Variants in EPHX2 observed in about 807,000 individuals in gnomAD.
EPHX2 encodes the protein epoxide hydrolase 2.
A neutral mutation model predicts 78.7 loss-of-function variants in EPHX2; 74 were observed. The ratio of observed to expected loss-of-function variants is 0.94; its 90% CI spans 0.78 to 1.14. EPHX2 has a LOEUF of 1.14. Ranked by LOEUF, EPHX2 falls within the 50% of genes most tolerant of loss-of-function variation. The pLI is 0.00. For synonymous variants in EPHX2, 251 were observed against 255.2 expected, an observed-to-expected ratio of 0.98 and a Z score of 0.16; for missense variants, 715 against 702.5, an observed-to-expected ratio of 1.02 and a Z score of -0.20.
chr8:27,517,931 G>A, intron 8 of EPHX2, 107 bp from the exon 9 acceptor site: 1 of 814,740 alleles, frequency 1.2e-6, no homozygotes, highest in South Asian at 1.6e-5. Context: ...GTGGGTTTTT[G>A]TTGTTGTTGT....
downstream of EPHX2, among the ~76,000 whole-genome samples, chr8:27,547,080 A>C (rs970493637): frequency 9.8e-5 from 15 of 152,306 alleles, no homozygotes; most frequent in African/African-American, 3.6e-4. Flanking sequence ...GCAAGGGGGA[A>C]ATCCGCCCCC....
At chr8:27,547,322 G>A, downstream of EPHX2, among the ~76,000 whole-genome samples, 1 of 152,172 alleles carries the variant, frequency 6.6e-6, no homozygotes, top group East Asian at 1.9e-4. Flanking sequence ...TGGTATCAGG[G>A]CATTCCCTGG....
downstream of EPHX2, among the ~76,000 whole-genome samples, chr8:27,547,503 G>A (rs1270606128): frequency 6.6e-6 from 1 of 152,190 alleles, no homozygotes; most frequent in East Asian, 1.9e-4. Flanking sequence ...ATAATGTGTA[G>A]CAATCAGATC....
At chr8:27,520,840 G>A (rs774979973) in intron 9 of EPHX2, 43 bp from the exon 10 acceptor site, 26 of 1,613,778 alleles carry the variant, frequency 1.6e-5, no homozygotes, top group African/African-American at 9.3e-5. Flanking sequence ...TGAGGCAGGC[G>A]GGTGTGGTTG....
chr8:27,537,441 A>G (rs1815249393), intron 13 of EPHX2, among the ~76,000 whole-genome samples: 1 of 152,124 alleles, frequency 6.6e-6, no homozygotes, highest in South Asian at 2.1e-4. Context: ...TTGAAGAATC[A>G]TTTATCTGAG....
intron 12 of EPHX2, among the ~76,000 whole-genome samples, chr8:27,533,590 C>G (rs1266315804): frequency 6.6e-6 from 1 of 152,032 alleles, no homozygotes; most frequent in Non-Finnish European, 1.5e-5. Context: ...CCTTTTTTCT[C>G]TCTGATTTTT....
chr8:27,542,591 C>T (rs1347716058), intron 16 of EPHX2, among the ~76,000 whole-genome samples: 1 of 152,136 alleles, frequency 6.6e-6, no homozygotes, highest in Non-Finnish European at 1.5e-5. Context: ...AAAATATTGA[C>T]AAAGGCGCTG....
At position 27,506,887 on chromosome 8, in the gene EPHX2, GAC is replaced by G; in HGVS notation, c.555_556del (p.Ile186ArgfsTer3). 1.2e-6 allele frequency: 2 copies of G among 1,611,750 alleles called. No homozygotes were observed. The highest frequency in any genetic ancestry group is 1.7e-4 in the Middle Eastern group (1 of 6,040). On this transcript the variant is annotated frameshift_variant, in exon 5 of 19. Coordinates refer to ENST00000521400, the MANE Select transcript of EPHX2 (RefSeq NM_001979.6). LOFTEE classifies it high-confidence loss of function. ...TTGGGCTCAGGTCGTTTTTTTGGAT[GAC>G]ATCGGGGCTAATCTGAAGCCAGCCC... Reference protein sequence around the residue: ...ASPSEVVFLDDIGANLKPARD... With the variant: ...ASPSEVVFLDXIGANLKPARD...
intron 13 of EPHX2, 21 bp downstream of exon 13, chr8:27,536,876 CAGA>C: frequency 6.2e-7 from 1 of 1,613,126 alleles, no homozygotes; most frequent in East Asian, 2.2e-5. Context: ...GGGATGGGTG[CAGA>C]AGAACAGGAG....
chr8:27,511,853 C>T lies in EPHX2; in HGVS notation c.678C>T (p.Ala226=). Residue 226 remains alanine, a synonymous_variant, in exon 6 of 19, where the codon GCC becomes GCT. Transcript: ENST00000521400. The part of the protein sequence containing the change: ...VTGIQLLNTP[A]PLPTSCNPSD... ...GCTTACAGCTTCTCAATACCCCGGC[C>T]CCTCTGCCGACCTCTTGCAATCCAA... 6.2e-7 allele frequency: 1 copy of T among 1,614,146 alleles called. No homozygotes were observed. Among genetic ancestry groups the T allele is most frequent in the South Asian group, 1.1e-5 (1 of 91,080 alleles).
In EPHX2 at chr8:27,492,484, C is replaced by T. The variant is rs1242583011; in HGVS notation, c.101+1175C>T. ...CAGAGTTGGTTCCTGTCGGTGGGTT[C>T]GTGGTCTTGCTGACTTCAAGAATGG... On this transcript the variant is annotated intron_variant, in intron 1 of 18. Transcript: ENST00000521400. 1.1e-4 allele frequency among the ~76,000 whole-genome samples: 17 copies of T among 152,244 alleles called. No homozygotes were observed. The South Asian group carries it at 2.1e-3, about 19-fold the overall frequency.
chr8:27,538,965 C>T, intron 14 of EPHX2: 1 of 470,606 alleles, frequency 2.1e-6, no homozygotes, highest in Admixed American at 3.4e-5. Context: ...CAAAATCCAC[C>T]CTCTACTGAT....
At chr8:27,525,888 A>T (rs1297756694) in intron 12 of EPHX2, among the ~76,000 whole-genome samples, 2 of 152,178 alleles carry the variant, frequency 1.3e-5, no homozygotes, top group Non-Finnish European at 2.9e-5. Flanking sequence ...GTATCAGTAC[A>T]CGTGCCACAA....
At chr8:27,538,366 T>C (rs1237215013) in intron 13 of EPHX2, among the ~76,000 whole-genome samples, 1 of 152,198 alleles carries the variant, frequency 6.6e-6, no homozygotes, top group Non-Finnish European at 1.5e-5. Flanking sequence ...CATTGGCTGA[T>C]AAACCTAGGT....
rs371631220 is a variant in EPHX2 at position 27,491,226 on chromosome 8, C to A, written c.18C>A (p.Ala6=). The A allele has an allele frequency of 1.5e-5, 24 of 1,583,684 alleles. No individual in the cohort carries two copies. The African/African-American group carries it at 2.3e-4, about 15-fold the overall frequency. ...CCGCCGCCATGACGCTGCGCGCGGCCGTCTTCGACCTTGACGGGGTGCTGG... is the reference window on the plus strand; with the variant it reads ...CCGCCGCCATGACGCTGCGCGCGGCAGTCTTCGACCTTGACGGGGTGCTGG... MTLRA[A]VFDLDGVLAL... Residue 6 remains alanine (A), a synonymous_variant, in exon 1 of 19, where the codon GCC becomes GCA. Coordinates refer to ENST00000521400, the MANE Select transcript of EPHX2 (RefSeq NM_001979.6).
chr8:27,517,928 TTTG>T lies in EPHX2; in HGVS notation c.911-98_911-96del, dbSNP rs200844058. The stretch of plus-strand genomic sequence containing the variant: ...AGGATTTAGTAAGTTTTTGTGGGTT[TTTG>T]TTGTTGTTGTTTGGTTTTTGGTTTT... On this transcript the variant is annotated intron_variant, in intron 8 of 18. Transcript: ENST00000521400. The T allele has an allele frequency of 3.7e-3, 3,025 of 816,702 alleles. 56 individuals carry two copies. The African/African-American group carries it at 0.04, about 11-fold the overall frequency. 50.6% of individuals were successfully genotyped at this position (816,702 alleles called of 1,614,324 possible). A position where few individuals can be genotyped will look rare whatever the true frequency, so the allele number is the denominator to read the frequency against.
chr8:27,503,756 G>C lies in EPHX2; in HGVS notation c.339G>C (p.Arg113Ser). The C allele has an allele frequency of 6.2e-7, 1 of 1,611,390 alleles. No individual in the cohort carries two copies. The highest frequency in any genetic ancestry group is 8.5e-7 in the Non-Finnish European group (1 of 1,179,886). ...RPMLQAALML[R>S]KKGFTTAILT... ...TGCTCCAGGCAGCTCTCATGCTCAGGAAGAAAGGTAAGGATCTGATACTGG... is the reference window on the plus strand; with the variant it reads ...TGCTCCAGGCAGCTCTCATGCTCAGCAAGAAAGGTAAGGATCTGATACTGG... Residue 113 changes from arginine (R) to serine (S), a missense_variant, in exon 3 of 19, where the codon AGG becomes AGC. By Grantham distance (110) the Arg-to-Ser change is moderately radical. Coordinates refer to ENST00000521400, the MANE Select transcript of EPHX2 (RefSeq NM_001979.6).
intron 12 of EPHX2, among the ~76,000 whole-genome samples, chr8:27,531,096 AC>A (rs1225144642): frequency 6.6e-6 from 1 of 151,736 alleles, no homozygotes. Flanking sequence ...TATGGAGGAA[AC>A]CCTTGGCAGG....
chr8:27,525,107 T>TGCGCGCGCGCGCGC (rs1182901102), intron 11 of EPHX2, among the ~76,000 whole-genome samples: 2 of 103,456 alleles, frequency 1.9e-5, no homozygotes, highest in African/African-American at 7.2e-5. Context: ...TGTGTGTGTG[T>TGCGCGCGCGCGCGC]GCGCGCGCGC....
Sources: allele counts gnomAD v4.1 joint callset (sites outside exome capture counted in the v4.1 genomes callset), GRCh38; gene constraint gnomAD v4.1.1; transcripts MANE v1.5; gene names NCBI Gene and HGNC (gene_info 2026-07-23, HGNC 2026-07-21).